The following PTPRD variants were observed in gnomAD, a reference collection of about 807,000 sequenced individuals.
PTPRD encodes protein tyrosine phosphatase receptor type D.
In PTPRD, 34 loss-of-function variants were observed where a neutral mutation model predicts 214.5. The observed-to-expected ratio is 0.16, with a 90% CI of 0.12 to 0.21. The LOEUF is 0.21. Ranked by LOEUF, PTPRD falls within the 10% of genes least tolerant of loss-of-function variation. The probability of loss-of-function intolerance (pLI) is 1.00; values close to 1 mark genes in which losing one functional copy is unlikely to be tolerated. For synonymous variants in PTPRD, 1,128 were observed against 845.7 expected (o/e 1.33, Z -5.79); for missense variants, 2,545 against 2,398.7 (o/e 1.06, Z -1.27).
chr9:9,221,284 T>A lies in PTPRD; in HGVS notation c.-202-37921A>T, dbSNP rs114390302. ...GATGCATGACATGATCAGGATAGAA[T>A]TCGGAGCAACAGGAGAAAACTTGCT... On this transcript the variant is annotated intron_variant, in intron 9 of 45. Coordinates refer to ENST00000381196, the MANE Select transcript of PTPRD (RefSeq NM_002839.4). Among the ~76,000 whole-genome samples the A allele has an allele frequency of 6.7e-3, 1,023 of 152,218 alleles. 10 individuals are homozygous for A. Among genetic ancestry groups the A allele is most frequent in the African/African-American group, 0.023 (950 of 41,558 alleles).
At position 9,837,486 on chromosome 9, in the gene PTPRD, G is replaced by T. The variant is rs2057106741; in HGVS notation, c.-367-70635C>A. On this transcript the variant is annotated intron_variant, in intron 5 of 45. Coordinates refer to ENST00000381196, the MANE Select transcript of PTPRD (RefSeq NM_002839.4). Reference sequence around the variant, plus strand: ...TTAATCTTGATGGGAAGTAGGTCCAGTGTCGCATATAAAAGTCAAAAGGGC... The same window carrying T: ...TTAATCTTGATGGGAAGTAGGTCCATTGTCGCATATAAAAGTCAAAAGGGC... Among the ~76,000 whole-genome samples, 3 of 152,232 alleles carry T rather than the reference G, an allele frequency of 2.0e-5. No individual in the cohort carries two copies. In the South Asian group the frequency reaches 6.2e-4, roughly 32 times the overall value.
At chr9:9,734,395 C>T (rs1444345617) in intron 7 of PTPRD, 138 bp downstream of exon 7, 1 of 151,784 alleles carries the variant, frequency 6.6e-6, no homozygotes, top group East Asian at 1.9e-4. Context: ...GAGATTCAAA[C>T]TCAGAAGATG....
chr9:10,156,775 T>C (rs538975556), intron 3 of PTPRD, among the ~76,000 whole-genome samples: 2 of 152,318 alleles, frequency 1.3e-5, no homozygotes, highest in South Asian at 2.1e-4. Flanking sequence ...TCTAAGTCTC[T>C]TGGAAAGTTT....
chr9:10,372,903 G>C (rs903930506), intron 2 of PTPRD, among the ~76,000 whole-genome samples: 2 of 150,712 alleles, frequency 1.3e-5, no homozygotes, highest in African/African-American at 4.9e-5. Context: ...AGGTTGGAGT[G>C]CAGTGGTGCG....
chr9:8,971,471 G>C (rs560136804), intron 11 of PTPRD, among the ~76,000 whole-genome samples: 2 of 151,854 alleles, frequency 1.3e-5, no homozygotes, highest in South Asian at 4.1e-4. Flanking sequence ...TTATCTGTGA[G>C]ATGGGAAGGA....
At chr9:9,667,834 C>T (rs1447982253) in intron 7 of PTPRD, among the ~76,000 whole-genome samples, 1 of 152,146 alleles carries the variant, frequency 6.6e-6, no homozygotes, top group East Asian at 1.9e-4. Flanking sequence ...CAGTAATCTG[C>T]ATTTTGTCAA....
At chr9:9,575,075 G>A (rs2087993250) in intron 7 of PTPRD, among the ~76,000 whole-genome samples, 2 of 152,146 alleles carry the variant, frequency 1.3e-5, no homozygotes, top group South Asian at 4.2e-4. Flanking sequence ...ACATTTGCAA[G>A]CTTAATGTAT....
intron 9 of PTPRD, among the ~76,000 whole-genome samples, chr9:9,339,166 T>C (rs945997367): frequency 5.3e-5 from 8 of 152,126 alleles, no homozygotes; most frequent in Non-Finnish European, 2.9e-5. Flanking sequence ...TTCATGTTAA[T>C]AGAGGAAGCA....
At chr9:9,263,524 T>G (rs2099981045) in intron 9 of PTPRD, among the ~76,000 whole-genome samples, 1 of 151,704 alleles carries the variant, frequency 6.6e-6, no homozygotes, top group Admixed American at 6.6e-5. Context: ...GTTTTTGATC[T>G]GATGTAACTT....
At chr9:9,089,528 T>C (rs962582268) in intron 10 of PTPRD, among the ~76,000 whole-genome samples, 3 of 152,218 alleles carry the variant, frequency 2.0e-5, no homozygotes, top group Non-Finnish European at 4.4e-5. Context: ...AGCTTCTTTA[T>C]GACTCTACTA....
intron 2 of PTPRD, among the ~76,000 whole-genome samples, chr9:10,429,643 A>G (rs1390948982): frequency 6.6e-6 from 1 of 151,792 alleles, no homozygotes; most frequent in African/African-American, 2.4e-5. Flanking sequence ...ACATAGGCAT[A>G]TAATGACAGA....
At chr9:9,493,331 T>C (rs1790166764) in intron 8 of PTPRD, among the ~76,000 whole-genome samples, 1 of 152,136 alleles carries the variant, frequency 6.6e-6, no homozygotes, top group South Asian at 2.1e-4. Flanking sequence ...TAAAAAGATT[T>C]CTTTCCAAAT....
In PTPRD at chr9:8,564,046, G is replaced by A. The variant is rs138371305; in HGVS notation, c.353-35267C>T. Among the ~76,000 whole-genome samples the A allele has an allele frequency of 1.1e-4, 17 of 152,300 alleles. No homozygotes were observed. The East Asian group carries it at 3.3e-3, about 29-fold the overall frequency. ...AACTACACTTTGAATTATGAATTTT[G>A]ATGTCCCAGGCTAGAGATATGTGGT... On this transcript the variant is annotated intron_variant, in intron 14 of 45. Transcript: ENST00000381196.
At chr9:10,503,199 A>AAAAAAAAAC (rs1555437113) in intron 2 of PTPRD, among the ~76,000 whole-genome samples, 2 of 132,066 alleles carry the variant, frequency 1.5e-5, no homozygotes, top group Non-Finnish European at 3.1e-5. Flanking sequence ...AATACAAAAA[A>AAAAAAAAAC]AAAAAAAACA....
intron 3 of PTPRD, among the ~76,000 whole-genome samples, chr9:10,123,374 T>G (rs528361678): frequency 6.6e-6 from 1 of 152,358 alleles, no homozygotes; most frequent in South Asian, 2.1e-4. Context: ...CTATTTTAGG[T>G]CTTTTGTATT....
intron 31 of PTPRD, among the ~76,000 whole-genome samples, chr9:8,469,618 T>C (rs1468201004): frequency 6.6e-6 from 1 of 152,084 alleles, no homozygotes; most frequent in Non-Finnish European, 1.5e-5. Flanking sequence ...GTTAAAGGAT[T>C]ACTATTTTCT....
rs549622136 is a variant in PTPRD at position 8,825,224 on chromosome 9, T to G, written c.-103-91278A>C. 1.2e-4 allele frequency among the ~76,000 whole-genome samples: 19 copies of G among 152,332 alleles called. No individual in the cohort carries two copies. In the South Asian group the frequency reaches 3.9e-3, roughly 32 times the overall value. On this transcript the variant is annotated intron_variant, in intron 11 of 45. Transcript: ENST00000381196. ...TTAGAAACCCTGTATAGGGACTGTTTTAGGCAAGGTATGTGGCCAGTTTTC... is the reference window on the plus strand; with the variant it reads ...TTAGAAACCCTGTATAGGGACTGTTGTAGGCAAGGTATGTGGCCAGTTTTC...
At chr9:8,875,112 G>C (rs1192088536) in intron 11 of PTPRD, among the ~76,000 whole-genome samples, 1 of 152,186 alleles carries the variant, frequency 6.6e-6, no homozygotes, top group East Asian at 1.9e-4. Flanking sequence ...CCCCTTTAAA[G>C]TTTTGGGGAT....
intron 4 of PTPRD, among the ~76,000 whole-genome samples, chr9:9,959,137 A>G (rs1191724793): frequency 1.3e-5 from 2 of 152,194 alleles, no homozygotes; most frequent in Non-Finnish European, 2.9e-5. Flanking sequence ...AAATTGTAGT[A>G]TATCTATATA....
Sources: allele counts gnomAD v4.1 joint callset (sites outside exome capture counted in the v4.1 genomes callset), GRCh38; gene constraint gnomAD v4.1.1; transcripts MANE v1.5; gene names NCBI Gene and HGNC (gene_info 2026-07-23, HGNC 2026-07-21).